DCAF6: variants seen among roughly 807,000 people sequenced by gnomAD.
DCAF6 encodes DDB1 and CUL4 associated factor 6.
Under a neutral mutation model 125.1 loss-of-function variants are expected in DCAF6, and 54 were observed. The ratio of observed to expected loss-of-function variants is 0.43; its 90% CI spans 0.35 to 0.54. The LOEUF is 0.54. Ranked by LOEUF, DCAF6 falls within the 20% of genes least tolerant of loss-of-function variation. The pLI is 0.01. For synonymous variants in DCAF6, 371 were observed against 390.4 expected (o/e 0.95, Z 0.58); for missense variants, 934 against 1,161.7 (o/e 0.80, Z 2.85).
intron 10 of DCAF6, among the ~76,000 whole-genome samples, chr1:168,012,040 C>T (rs1460551849): frequency 2.0e-5 from 3 of 151,868 alleles, no homozygotes. Context: ...TTTGGGGAAA[C>T]CAAAGAAGAG....
At chr1:167,943,188 C>T (rs1045997626) in intron 1 of DCAF6, among the ~76,000 whole-genome samples, 8 of 152,116 alleles carry the variant, frequency 5.3e-5, no homozygotes, top group African/African-American at 1.9e-4. Flanking sequence ...GGATTACAGG[C>T]GTGAGCCACC....
chr1:167,880,151 C>T, the DCAF6 span: 1 of 1,613,468 alleles, frequency 6.2e-7, no homozygotes, highest in Non-Finnish European at 8.5e-7. Context: ...CCAACGATCC[C>T]ACAGAAGACA....
At chr1:168,054,718 AT>A (rs1690390313) in intron 17 of DCAF6, among the ~76,000 whole-genome samples, 1 of 152,212 alleles carries the variant, frequency 6.6e-6, no homozygotes, top group Non-Finnish European at 1.5e-5. Context: ...CAGATTGCAT[AT>A]AAGAAGATTC....
At chr1:168,067,082 A>C (rs74122611) in intron 20 of DCAF6, among the ~76,000 whole-genome samples, 131 of 152,294 alleles carry the variant, frequency 8.6e-4, no homozygotes, top group African/African-American at 2.9e-3. Flanking sequence ...TTCCTCCCCA[A>C]CTTCAACCAG....
At chr1:167,991,752 G>GATGA (rs1485749277) in intron 6 of DCAF6, among the ~76,000 whole-genome samples, 1 of 152,144 alleles carries the variant, frequency 6.6e-6, no homozygotes, top group Non-Finnish European at 1.5e-5. Context: ...CCTTGGTATA[G>GATGA]ATGAATCACT....
chr1:167,900,492 A>C, the DCAF6 span, among the ~76,000 whole-genome samples: 1 of 152,154 alleles, frequency 6.6e-6, no homozygotes, highest in African/African-American at 2.4e-5. Context: ...ATTCAGTATT[A>C]TAATAACTTT....
At chr1:167,940,354 A>G (rs947602065) in intron 1 of DCAF6, among the ~76,000 whole-genome samples, 1 of 152,116 alleles carries the variant, frequency 6.6e-6, no homozygotes, top group African/African-American at 2.4e-5. Flanking sequence ...CTAAATTTCA[A>G]TGTAGGATTC....
At chr1:168,073,032 C>T (rs757440858) in intron 21 of DCAF6, among the ~76,000 whole-genome samples, 13 of 152,040 alleles carry the variant, frequency 8.6e-5, no homozygotes, top group Non-Finnish European at 1.8e-4. Context: ...AAAAATCAGC[C>T]GGGTGTGGTG....
intron 11 of DCAF6, among the ~76,000 whole-genome samples, chr1:168,017,619 A>G (rs1254770788): frequency 6.6e-6 from 1 of 152,154 alleles, no homozygotes; most frequent in Non-Finnish European, 1.5e-5. Flanking sequence ...GCAACAGTAG[A>G]AATTAAATTT....
Position 168,044,966 on chromosome 1 carries a change from T to A in DCAF6, c.1997T>A (p.Leu666His), listed in dbSNP as rs41271647. Residue 666 changes from leucine to histidine, a missense_variant, in exon 16 of 22, where the codon CTT becomes CAT. This residue lies in a region of DCAF6 where 559 missense variants were observed against 635.5 expected (regional missense o/e 0.88). Coordinates refer to ENST00000367840, the MANE Select transcript of DCAF6 (RefSeq NM_001198956.2). Reference protein sequence around the residue: ...SNSGERNDLNLDRSCGVPEES... With the variant: ...SNSGERNDLNHDRSCGVPEES... ...TCAGGAGAAAGAAATGACCTCAATCTTGATCGCTCTTGTGGGGTTCCAGAA... is the reference window on the plus strand; with the variant it reads ...TCAGGAGAAAGAAATGACCTCAATCATGATCGCTCTTGTGGGGTTCCAGAA... 139,023 of 1,614,058 alleles carry A rather than the reference T, an allele frequency of 0.086. 6,775 individuals are homozygous for A. Among genetic ancestry groups the A allele is most frequent in the Non-Finnish European group, 0.099 (116,418 of 1,179,930 alleles).
intron 20 of DCAF6, among the ~76,000 whole-genome samples, chr1:168,068,147 G>C (rs1692581486): frequency 6.6e-6 from 1 of 152,190 alleles, no homozygotes; most frequent in Non-Finnish European, 1.5e-5. Flanking sequence ...CCATTTGAAA[G>C]AGTTGTGTTC....
chr1:167,922,554 T>C, the DCAF6 span, among the ~76,000 whole-genome samples: 3 of 152,056 alleles, frequency 2.0e-5, no homozygotes, highest in African/African-American at 7.2e-5. Flanking sequence ...GTAACTTCCA[T>C]TAGTATAGGG....
the DCAF6 span, among the ~76,000 whole-genome samples, chr1:167,898,523 C>T: frequency 1.3e-5 from 2 of 151,584 alleles, no homozygotes; most frequent in Non-Finnish European, 2.9e-5. Context: ...TGCTTGAACC[C>T]GGGAGGCGGA....
chr1:167,881,062 A>G, the DCAF6 span, among the ~76,000 whole-genome samples: 3 of 152,338 alleles, frequency 2.0e-5, no homozygotes, highest in African/African-American at 7.2e-5. Flanking sequence ...CTGAAAATGG[A>G]TATACTGTAG....
At chr1:167,943,667 A>G (rs1364098878) in intron 1 of DCAF6, among the ~76,000 whole-genome samples, 5 of 151,676 alleles carry the variant, frequency 3.3e-5, no homozygotes, top group South Asian at 2.1e-4. Context: ...TCATCCTCCC[A>G]CCTCCTCATT....
intron 14 of DCAF6, 31 bp from the exon 15 acceptor site, chr1:168,044,554 A>G: frequency 6.6e-7 from 1 of 1,510,380 alleles, no homozygotes; most frequent in Admixed American, 1.7e-5. Flanking sequence ...CATGGATACC[A>G]AGGGATGACT....
At chr1:167,867,858 G>A in the DCAF6 span, among the ~76,000 whole-genome samples, 1 of 152,030 alleles carries the variant, frequency 6.6e-6, no homozygotes, top group Non-Finnish European at 1.5e-5. Flanking sequence ...GTAATTACTG[G>A]TCTTGTGTCA....
At chr1:167,985,185 G>A (rs1460900502) in intron 4 of DCAF6, among the ~76,000 whole-genome samples, 1 of 60,168 alleles carries the variant, frequency 1.7e-5, no homozygotes, top group Non-Finnish European at 3.0e-5. Flanking sequence ...AAACCACGTC[G>A]TGTGTGTGTG....
the DCAF6 span, among the ~76,000 whole-genome samples, chr1:167,904,445 G>A: frequency 2.6e-5 from 4 of 152,146 alleles, no homozygotes; most frequent in Non-Finnish European, 5.9e-5. Context: ...CTGGTCAAGT[G>A]TCAGACATGC....
Sources: allele counts gnomAD v4.1 joint callset (sites outside exome capture counted in the v4.1 genomes callset), GRCh38; gene constraint gnomAD v4.1.1; regional missense constraint gnomAD v4.1.1; transcripts MANE v1.5; gene names NCBI Gene and HGNC (gene_info 2026-07-23, HGNC 2026-07-21).